The following KATNBL1 variants were observed in gnomAD, a reference collection of about 807,000 sequenced individuals.
KATNBL1 encodes KATNB1-like protein 1.
A neutral mutation model predicts 44.7 loss-of-function variants in KATNBL1; 28 were observed. That is an observed-to-expected ratio of 0.63 (90% confidence interval 0.46 to 0.86). KATNBL1 has a LOEUF of 0.86. Among genes scored for constraint, KATNBL1 ranks in the 40% least tolerant of loss-of-function variants. The probability of loss-of-function intolerance (pLI) is 0.00; values close to 1 mark genes in which losing one functional copy is unlikely to be tolerated. For missense variants in KATNBL1, 272 were observed against 350.7 expected, an observed-to-expected ratio of 0.78 and a Z score of 1.79; for synonymous variants, 78 against 114.9, an observed-to-expected ratio of 0.68 and a Z score of 2.06.
At chr15:34,198,564 A>G (rs1022975890) in intron 1 of KATNBL1, among the ~76,000 whole-genome samples, 14 of 152,266 alleles carry the variant, frequency 9.2e-5, no homozygotes, top group Admixed American at 7.8e-4. Context: ...GTTTCTCTAC[A>G]TTTTAATCAA....
chr15:34,146,725 A>G (rs1032689653), intron 8 of KATNBL1, 36 bp downstream of exon 8: 7 of 1,236,942 alleles, frequency 5.7e-6, no homozygotes, highest in Middle Eastern at 2.4e-4. Context: ...CCTGAAGAAA[A>G]TTTCAGCATG....
chr15:34,171,699 A>G (rs1043953683), intron 1 of KATNBL1, among the ~76,000 whole-genome samples: 1 of 152,218 alleles, frequency 6.6e-6, no homozygotes, highest in African/African-American at 2.4e-5. Flanking sequence ...ATGTCCATCA[A>G]TGATAAACTG....
At chr15:34,209,000 A>G (rs971905397) in intron 1 of KATNBL1, 1 of 152,252 alleles carries the variant, frequency 6.6e-6, no homozygotes, top group Non-Finnish European at 1.5e-5. Flanking sequence ...ACAACAGTAT[A>G]TATCCCAAAG....
chr15:34,153,737 A>T (rs1437129331), intron 3 of KATNBL1, among the ~76,000 whole-genome samples: 3 of 152,220 alleles, frequency 2.0e-5, no homozygotes. Flanking sequence ...TGCTGAACTA[A>T]CTTTTGTATT....
intron 1 of KATNBL1, among the ~76,000 whole-genome samples, chr15:34,173,690 A>C (rs1432441648): frequency 6.6e-6 from 1 of 152,196 alleles, no homozygotes; most frequent in Non-Finnish European, 1.5e-5. Flanking sequence ...GGAGCACATA[A>C]GGAAAAAAGT....
chr15:34,179,278 T>C (rs1242696587), intron 1 of KATNBL1, among the ~76,000 whole-genome samples: 2 of 152,156 alleles, frequency 1.3e-5, no homozygotes, highest in East Asian at 1.9e-4. Context: ...GAAGGGTAAG[T>C]GGGCAAAACA....
At chr15:34,142,945 C>T (rs1479341717) in intron 9 of KATNBL1, 6 of 509,406 alleles carry the variant, frequency 1.2e-5, no homozygotes, top group Non-Finnish European at 2.0e-5. Context: ...CTCCTGAGCT[C>T]GTGATCTGCC....
chr15:34,164,550 T>A (rs1888907840), intron 1 of KATNBL1, among the ~76,000 whole-genome samples: 1 of 152,196 alleles, frequency 6.6e-6, no homozygotes, highest in Admixed American at 6.5e-5. Flanking sequence ...CCCTCCTATT[T>A]TACTAATTAT....
chr15:34,154,257 G>A (rs1888569878), intron 3 of KATNBL1, among the ~76,000 whole-genome samples: 1 of 152,154 alleles, frequency 6.6e-6, no homozygotes, highest in African/African-American at 2.4e-5. Context: ...ATGGTCTTTA[G>A]GGACCCGCAG....
intron 1 of KATNBL1, among the ~76,000 whole-genome samples, chr15:34,198,093 A>C (rs1386691692): frequency 5.3e-5 from 8 of 152,206 alleles, no homozygotes; most frequent in African/African-American, 1.9e-4. Flanking sequence ...ACGATACGCT[A>C]ATAGGAACTG....
At chr15:34,158,939 G>A (rs755746303) in intron 2 of KATNBL1, among the ~76,000 whole-genome samples, 54 of 152,262 alleles carry the variant, frequency 3.5e-4, no homozygotes, top group Non-Finnish European at 3.8e-4. Flanking sequence ...GAACACTCAT[G>A]CTCAGGTCTC....
At chr15:34,190,093 C>T (rs939511089) in intron 1 of KATNBL1, among the ~76,000 whole-genome samples, 3 of 151,974 alleles carry the variant, frequency 2.0e-5, no homozygotes, top group Admixed American at 6.6e-5. Context: ...TACAGGCGCC[C>T]GCCACCACAC....
At position 34,194,380 on chromosome 15, in the gene KATNBL1, G is replaced by A. The variant is rs561415805; in HGVS notation, c.-15+15571C>T. 5.3e-5 allele frequency among the ~76,000 whole-genome samples: 8 copies of A among 152,144 alleles called. No homozygotes were observed. The South Asian group carries it at 8.3e-4, about 16-fold the overall frequency. The stretch of plus-strand genomic sequence containing the variant: ...TTCTAGCACTTTGAAAGGCCAAGGC[G>A]GGAGTAGCACTTGAGCCCATGAGTT... On this transcript the variant is annotated intron_variant, in intron 1 of 9. Transcript: ENST00000256544.
chr15:34,151,683 C>CA (rs1009954726), intron 4 of KATNBL1, among the ~76,000 whole-genome samples: 19 of 151,936 alleles, frequency 1.3e-4, no homozygotes, highest in Non-Finnish European at 2.2e-4. Context: ...AACTCCTGAC[C>CA]ACCTGCCTTG....
chr15:34,151,435 A>ATTTTTTTTT (rs1491367010), intron 4 of KATNBL1, among the ~76,000 whole-genome samples: 4 of 63,822 alleles, frequency 6.3e-5, no homozygotes, highest in Non-Finnish European at 1.3e-4. Flanking sequence ...TCCTTTGCCT[A>ATTTTTTTTT]CTTTTTTTTT....
At chr15:34,149,288 T>C (rs762072032) in intron 4 of KATNBL1, among the ~76,000 whole-genome samples, 1 of 152,254 alleles carries the variant, frequency 6.6e-6, no homozygotes, top group Non-Finnish European at 1.5e-5. Flanking sequence ...CAGACTGATA[T>C]GTATCTTTCC....
intron 8 of KATNBL1, chr15:34,145,817 TA>T (rs34884825): frequency 4.5e-4 from 67 of 149,408 alleles, no homozygotes; most frequent in African/African-American, 7.4e-4. Context: ...TGATTTCAAT[TA>T]AAAAAAAAAA....
intron 1 of KATNBL1, among the ~76,000 whole-genome samples, chr15:34,185,262 G>A (rs1889687332): frequency 6.6e-6 from 1 of 152,186 alleles, no homozygotes; most frequent in Non-Finnish European, 1.5e-5. Flanking sequence ...GCACCACTGT[G>A]CTGGCCTCTA....
chr15:34,150,285 CT>C (rs1486348320), intron 4 of KATNBL1, among the ~76,000 whole-genome samples: 2 of 152,152 alleles, frequency 1.3e-5, no homozygotes, highest in African/African-American at 2.4e-5. Context: ...ACAACTGAAA[CT>C]TTTTAAAAAG....
Sources: allele counts gnomAD v4.1 joint callset (sites outside exome capture counted in the v4.1 genomes callset), GRCh38; gene constraint gnomAD v4.1.1; transcripts MANE v1.5; gene names NCBI Gene and HGNC (gene_info 2026-07-23, HGNC 2026-07-21).